Variants in ADAM23 observed in about 807,000 individuals in gnomAD.
ADAM23 encodes the protein disintegrin and metalloproteinase domain-containing protein 23.
ADAM23 carries 33 observed loss-of-function variants against 120.1 expected under a neutral mutation model. The ratio of observed to expected loss-of-function variants is 0.27; its 90% CI spans 0.21 to 0.37. ADAM23 has a LOEUF of 0.37. ADAM23 is among the 10% of genes least tolerant of loss of function. The probability of loss-of-function intolerance (pLI) is 1.00; values close to 1 mark genes in which losing one functional copy is unlikely to be tolerated. For synonymous variants in ADAM23, 367 were observed against 375.2 expected (o/e 0.98, Z 0.25); for missense variants, 862 against 1,058.2 (o/e 0.81, Z 2.57).
chr2:206,503,779 G>A (rs1406676072), intron 3 of ADAM23, among the ~76,000 whole-genome samples: 2 of 152,162 alleles, frequency 1.3e-5, no homozygotes, highest in Admixed American at 1.3e-4. Flanking sequence ...AATGGCTGCT[G>A]TAAGGATTTG....
intron 3 of ADAM23, among the ~76,000 whole-genome samples, chr2:206,498,277 A>G (rs1274014113): frequency 2.0e-5 from 3 of 152,348 alleles, no homozygotes; most frequent in Admixed American, 2.0e-4. Context: ...TAACCAAAAC[A>G]GCATGTTACT....
chr2:206,467,138 T>A (rs77896404), intron 2 of ADAM23, among the ~76,000 whole-genome samples: 4 of 152,118 alleles, frequency 2.6e-5, no homozygotes, highest in African/African-American at 9.7e-5. Flanking sequence ...CAGATCCAAA[T>A]CATAAAATTC....
intron 2 of ADAM23, among the ~76,000 whole-genome samples, chr2:206,467,339 C>T (rs552067584): frequency 2.6e-5 from 4 of 152,306 alleles, no homozygotes; most frequent in South Asian, 4.1e-4. Context: ...TTCCAAATTA[C>T]AATAGAGGTA....
chr2:206,549,589 T>C (rs1697470438), intron 8 of ADAM23, among the ~76,000 whole-genome samples: 1 of 152,030 alleles, frequency 6.6e-6, no homozygotes, highest in Non-Finnish European at 1.5e-5. Context: ...ATATTATTTT[T>C]AGAATTTCAC....
At chr2:206,499,317 A>C (rs551835250) in intron 3 of ADAM23, among the ~76,000 whole-genome samples, 3 of 151,870 alleles carry the variant, frequency 2.0e-5, no homozygotes, top group African/African-American at 7.2e-5. Flanking sequence ...GCAGCCATAA[A>C]AAAGGATGAG....
At chr2:206,601,888 AT>A (rs1348023863) in intron 24 of ADAM23, among the ~76,000 whole-genome samples, 1 of 152,110 alleles carries the variant, frequency 6.6e-6, no homozygotes, top group African/African-American at 2.4e-5. Context: ...CTGATCCATT[AT>A]TGTCAGTGAT....
intron 8 of ADAM23, among the ~76,000 whole-genome samples, chr2:206,548,947 A>G (rs1158479367): frequency 6.6e-6 from 1 of 152,148 alleles, no homozygotes; most frequent in Non-Finnish European, 1.5e-5. Flanking sequence ...TGTATTGATA[A>G]ACGTATAGGG....
At chr2:206,527,729 A>T (rs1488480330) in intron 3 of ADAM23, among the ~76,000 whole-genome samples, 1 of 152,202 alleles carries the variant, frequency 6.6e-6, no homozygotes, top group East Asian at 1.9e-4. Context: ...GGTGCTAGGG[A>T]TACTGTGATG....
intron 15 of ADAM23, among the ~76,000 whole-genome samples, chr2:206,569,702 A>G (rs1000122734): frequency 1.3e-5 from 2 of 152,192 alleles, no homozygotes; most frequent in Admixed American, 6.5e-5. Flanking sequence ...AAAATAACAC[A>G]GAGATGTGCA....
rs1574539483 is a variant in ADAM23, at chr2:206,569,012, C to T, written c.1494+1690C>T. ...AAAGTCAGTTGCCTGCCTTTCATAACGTTGATTTCAATGCAACAGAAATCC... is the reference window on the plus strand; with the variant it reads ...AAAGTCAGTTGCCTGCCTTTCATAATGTTGATTTCAATGCAACAGAAATCC... On this transcript the variant is annotated intron_variant, in intron 15 of 25. Transcript: ENST00000264377. Among the ~76,000 whole-genome samples, 5 of 152,220 alleles carry T rather than the reference C, an allele frequency of 3.3e-5. 1 individual carries two copies. In the South Asian group the frequency reaches 6.2e-4, roughly 19 times the overall value.
chr2:206,588,036 C>T (rs376889288), intron 19 of ADAM23, 55 bp from the exon 20 acceptor site: 66 of 1,582,004 alleles, frequency 4.2e-5, no homozygotes, highest in South Asian at 1.6e-4. Context: ...GTAGTAAAAA[C>T]ATTGGGGAAG....
chr2:206,567,395 A>G (rs750012876), intron 15 of ADAM23, 73 bp downstream of exon 15: 1 of 1,189,812 alleles, frequency 8.4e-7, no homozygotes, highest in Non-Finnish European at 1.2e-6. Context: ...AGTGCTGGAT[A>G]TCAGACGCCT....
chr2:206,564,529 C>T (rs1420881654), intron 13 of ADAM23, among the ~76,000 whole-genome samples: 1 of 152,214 alleles, frequency 6.6e-6, no homozygotes, highest in African/African-American at 2.4e-5. Flanking sequence ...CTTTAAAATT[C>T]ACAGCACATA....
At chr2:206,477,890 AAAAAAAAAT>A (rs1400172204) in intron 2 of ADAM23, among the ~76,000 whole-genome samples, 4 of 119,662 alleles carry the variant, frequency 3.3e-5, no homozygotes, top group African/African-American at 1.3e-4. Context: ...TAAAAAAAAA[AAAAAAAAAT>A]ATATATATAT....
At chr2:206,501,365 A>G (rs1016592893) in intron 3 of ADAM23, among the ~76,000 whole-genome samples, 2 of 151,770 alleles carry the variant, frequency 1.3e-5, no homozygotes, top group African/African-American at 4.8e-5. Context: ...TCATTCTGTA[A>G]CGTTTTATCC....
chr2:206,479,694 C>G (rs1026090684), intron 2 of ADAM23, among the ~76,000 whole-genome samples: 1 of 152,072 alleles, frequency 6.6e-6, no homozygotes, highest in Non-Finnish European at 1.5e-5. Flanking sequence ...CTCTCTTTCT[C>G]TCTCTCTCTC....
intron 3 of ADAM23, among the ~76,000 whole-genome samples, chr2:206,530,361 G>A (rs151003081): frequency 6.6e-6 from 1 of 152,154 alleles, no homozygotes; most frequent in Non-Finnish European, 1.5e-5. Flanking sequence ...AACCCTTGCT[G>A]ACCTTTGCTT....
At chr2:206,474,435 GGGAGGGAACTT>G (rs1695732996) in intron 2 of ADAM23, among the ~76,000 whole-genome samples, 6 of 152,220 alleles carry the variant, frequency 3.9e-5, no homozygotes, top group African/African-American at 1.4e-4. Flanking sequence ...TAACTATCCT[GGGAGGGAACTT>G]TAGGGTGGGG....
chr2:206,589,396 C>G lies in ADAM23; in HGVS notation c.1853-13C>G, dbSNP rs1559279113. ...ATGAAAATTAATTTTCTTCTCTTGCCTATCTCCAAAAGAGGCTGCAGGGTC... is the reference window on the plus strand; with the variant it reads ...ATGAAAATTAATTTTCTTCTCTTGCGTATCTCCAAAAGAGGCTGCAGGGTC... On this transcript the variant is annotated splice_polypyrimidine_tract_variant and intron_variant, in intron 20 of 25. Coordinates refer to ENST00000264377, the MANE Select transcript of ADAM23 (RefSeq NM_003812.4). 6.2e-7 allele frequency: 1 copy of G among 1,608,684 alleles called. No individual in the cohort carries two copies. Among genetic ancestry groups the G allele is most frequent in the Admixed American group, 1.7e-5 (1 of 59,288 alleles).
Sources: allele counts gnomAD v4.1 joint callset (sites outside exome capture counted in the v4.1 genomes callset), GRCh38; gene constraint gnomAD v4.1.1; transcripts MANE v1.5; gene names NCBI Gene and HGNC (gene_info 2026-07-23, HGNC 2026-07-21).